P2RX7: variants seen among roughly 807,000 people sequenced by gnomAD.
P2RX7 encodes P2X purinoceptor 7.
Under a neutral mutation model 71.6 loss-of-function variants are expected in P2RX7, and 62 were observed. The observed-to-expected ratio is 0.87, with a 90% CI of 0.71 to 1.07. P2RX7 has a LOEUF of 1.07. P2RX7 is among the 50% of genes least tolerant of loss of function. P2RX7 has a pLI of 0.00. For missense variants in P2RX7, 686 were observed against 748.5 expected, an observed-to-expected ratio of 0.92 and a Z score of 0.97; for synonymous variants, 299 against 283.3, an observed-to-expected ratio of 1.06 and a Z score of -0.56.
intron 5 of P2RX7, among the ~76,000 whole-genome samples, chr12:121,164,740 C>T (rs1880647497): frequency 6.6e-6 from 1 of 152,044 alleles, no homozygotes; most frequent in South Asian, 2.1e-4. Context: ...CAAGATCGCG[C>T]CACTGCACTC....
chr12:121,180,629 GC>G (rs1263791728), intron 12 of P2RX7, among the ~76,000 whole-genome samples, 174 bp downstream of exon 12: 1 of 151,984 alleles, frequency 6.6e-6, no homozygotes, highest in Non-Finnish European at 1.5e-5. Context: ...TCCCTTTTAT[GC>G]CCCCCTCCAA....
chr12:121,152,583 G>A (rs954735421), intron 1 of P2RX7, among the ~76,000 whole-genome samples: 20 of 152,080 alleles, frequency 1.3e-4, no homozygotes, highest in Admixed American at 4.6e-4. Flanking sequence ...GCAGTGGCGC[G>A]ATCTCAGCTC....
chr12:121,180,473 GTC>G lies in P2RX7; in HGVS notation c.1290+20_1290+21del. ...AAGTCCCAGTAAGTTAAATCATTTT[GTC>G]TTTTTTTTTTTTTTAAGAAAATTTA... On this transcript the variant is annotated intron_variant, in intron 12 of 12. Transcript: ENST00000328963. The G allele has an allele frequency of 8.0e-7, 1 of 1,250,224 alleles. No homozygotes were observed. The highest frequency in any genetic ancestry group is 1.1e-6 in the Non-Finnish European group (1 of 898,120). 77.4% of individuals were successfully genotyped at this position (1,250,224 alleles called of 1,614,324 possible). A position where few individuals can be genotyped will look rare whatever the true frequency, so the allele number is the denominator to read the frequency against.
chr12:121,181,093 A>T (rs1475402583), intron 12 of P2RX7, among the ~76,000 whole-genome samples: 1 of 152,228 alleles, frequency 6.6e-6, no homozygotes, highest in East Asian at 1.9e-4. Context: ...TCTTAAAAGT[A>T]GTCATTATCC....
Position 121,154,375 on chromosome 12 carries a change from A to C in P2RX7, c.126-410A>C, listed in dbSNP as rs377423222. ...AGGTGGGTGTTTCTGAAAATGCACC[A>C]GATGCAGCCTTAGACTGGAAGGTGC... On this transcript the variant is annotated intron_variant, in intron 1 of 12. Transcript: ENST00000328963. This position sits in a 1 kb window ranked among gnomAD's most constrained non-coding sequence, Gnocchi z 4.2. 2.6e-5 allele frequency among the ~76,000 whole-genome samples: 4 copies of C among 152,146 alleles called. No individual in the cohort carries two copies. The highest frequency in any genetic ancestry group is 7.2e-5 in the African/African-American group (3 of 41,428).
At chr12:121,171,428 A>T (rs1882165094) in intron 8 of P2RX7, among the ~76,000 whole-genome samples, 1 of 140,266 alleles carries the variant, frequency 7.1e-6, no homozygotes, top group African/African-American at 2.7e-5. Context: ...GCAATGGCGT[A>T]ATTTCGGGTC....
At position 121,184,482 on chromosome 12, in the gene P2RX7, A is replaced by T. The variant is rs1884648655; in HGVS notation, c.1468A>T (p.Ser490Cys). 1.2e-6 allele frequency: 2 copies of T among 1,613,988 alleles called. No homozygotes were observed. The highest frequency in any genetic ancestry group is 2.7e-5 in the African/African-American group (2 of 74,912). The change falls in exon 13 of 13, where the codon AGC becomes TGC. Residue 490 changes from serine to cysteine, a missense_variant. By Grantham distance (112) the Ser-to-Cys change is moderately radical (BLOSUM62 -1). Transcript: ENST00000328963. ...GSCLPSQLPE[S>C]HRCLEELCCR... Reference sequence around the variant, plus strand: ...CTGCCTCCCATCTCAACTCCCTGAGAGCCACAGGTGCCTGGAGGAGCTGTG... The same window carrying T: ...CTGCCTCCCATCTCAACTCCCTGAGTGCCACAGGTGCCTGGAGGAGCTGTG...
rs1283383744 is a variant in P2RX7, at chr12:121,154,297, A to T, written c.126-488A>T. 1.3e-5 allele frequency among the ~76,000 whole-genome samples: 2 copies of T among 152,064 alleles called. No homozygotes were observed. Among genetic ancestry groups the T allele is most frequent in the African/African-American group, 4.8e-5 (2 of 41,404 alleles). ...AAGAGCAAAACTCTGTTTCAAAAAA[A>T]AAAAAAGAGAGAGAGAGAGAGTAGC... On this transcript the variant is annotated intron_variant, in intron 1 of 12. Transcript: ENST00000328963. This position sits in a 1 kb window ranked among gnomAD's most constrained non-coding sequence, Gnocchi z 4.2.
chr12:121,165,102 T>C (rs1880734099), intron 5 of P2RX7, among the ~76,000 whole-genome samples: 1 of 152,100 alleles, frequency 6.6e-6, no homozygotes, highest in Non-Finnish European at 1.5e-5. Flanking sequence ...GGGATTACAA[T>C]TCAAGATGAG....
At chr12:121,138,062 G>A (rs1365877715) in intron 1 of P2RX7, among the ~76,000 whole-genome samples, 1 of 152,000 alleles carries the variant, frequency 6.6e-6, no homozygotes, top group Non-Finnish European at 1.5e-5. Flanking sequence ...TAGATAGGAT[G>A]CTAAGCAGGT....
intron 1 of P2RX7, among the ~76,000 whole-genome samples, chr12:121,141,156 G>A (rs765465052): frequency 1.3e-5 from 2 of 152,148 alleles, no homozygotes; most frequent in South Asian, 2.1e-4. Flanking sequence ...CCATCTATCC[G>A]CATCCTTTTT....
intron 6 of P2RX7, among the ~76,000 whole-genome samples, chr12:121,165,678 T>C (rs145488378): frequency 6.6e-6 from 1 of 152,180 alleles, no homozygotes; most frequent in Non-Finnish European, 1.5e-5. Context: ...TTTTCCAAGC[T>C]CTCACACAGT....
chr12:121,164,666 C>T (rs2051550), intron 5 of P2RX7, among the ~76,000 whole-genome samples: 10,312 of 152,174 alleles, frequency 0.068, 388 homozygotes, highest in South Asian at 0.094. Flanking sequence ...CCTGTAATCC[C>T]GGCTACTCGG....
At position 121,142,341 on chromosome 12, in the gene P2RX7, G is replaced by A. The variant is rs991553927; in HGVS notation, c.125+9246G>A. On this transcript the variant is annotated intron_variant, in intron 1 of 12. Coordinates refer to ENST00000328963, the MANE Select transcript of P2RX7 (RefSeq NM_002562.6). Reference sequence around the variant, plus strand: ...TGCTCCTCACTGGCTGTCAGCCTGGGGCCACTCTCAGATTCTGAAGTCCTC... The same window carrying A: ...TGCTCCTCACTGGCTGTCAGCCTGGAGCCACTCTCAGATTCTGAAGTCCTC... Among the ~76,000 whole-genome samples the A allele has an allele frequency of 5.3e-5, 8 of 152,104 alleles. No homozygotes were observed. In the East Asian group the frequency reaches 1.5e-3, roughly 29 times the overall value.
At chr12:121,172,747 G>C (rs1008804190) in intron 8 of P2RX7, among the ~76,000 whole-genome samples, 1 of 152,236 alleles carries the variant, frequency 6.6e-6, no homozygotes, top group African/African-American at 2.4e-5. Context: ...CAGTCAGAAA[G>C]AGCCACTAAA....
intron 1 of P2RX7, among the ~76,000 whole-genome samples, chr12:121,141,609 T>C (rs17434682): frequency 0.072 from 11,037 of 152,260 alleles, 606 homozygotes; most frequent in Non-Finnish European, 0.096. Context: ...TTAGAAAATA[T>C]TGAAACATAA....
intron 1 of P2RX7, among the ~76,000 whole-genome samples, chr12:121,133,656 T>C (rs1184867395): frequency 6.6e-6 from 1 of 152,138 alleles, no homozygotes; most frequent in Non-Finnish European, 1.5e-5. Context: ...TGTGCAACCA[T>C]CCCCACAATC....
At chr12:121,177,492 A>T (rs1883357474) in intron 11 of P2RX7, 46 bp downstream of exon 11, 1 of 1,584,720 alleles carries the variant, frequency 6.3e-7, no homozygotes, top group Non-Finnish European at 8.7e-7. Flanking sequence ...GAGAGATTCC[A>T]TGAAATCACT....
At chr12:121,148,924 G>C (rs1207285434) in intron 1 of P2RX7, 1 of 383,302 alleles carries the variant, frequency 2.6e-6, no homozygotes, top group African/African-American at 2.1e-5. Flanking sequence ...TTGTTGGCCT[G>C]GCTTAGGTGT....
Sources: allele counts gnomAD v4.1 joint callset (sites outside exome capture counted in the v4.1 genomes callset), GRCh38; gene constraint gnomAD v4.1.1; non-coding constraint Gnocchi (gnomAD v3.1); transcripts MANE v1.5; gene names NCBI Gene and HGNC (gene_info 2026-07-23, HGNC 2026-07-21).